The following RBFOX1 variants were observed in gnomAD, a reference collection of about 807,000 sequenced individuals.
RBFOX1 encodes RNA binding protein fox-1 homolog 1.
A neutral mutation model predicts 57.7 loss-of-function variants in RBFOX1; 8 were observed. That is an observed-to-expected ratio of 0.14 (90% CI 0.08 to 0.25). The LOEUF is 0.25. RBFOX1 is among the 10% of genes least tolerant of loss of function. The pLI, the probability that RBFOX1 is intolerant of heterozygous loss-of-function variation, is 1.00. For missense variants in RBFOX1, 611 were observed against 548.5 expected, an observed-to-expected ratio of 1.11 and a Z score of -1.14; for synonymous variants, 326 against 222.4, an observed-to-expected ratio of 1.47 and a Z score of -4.15.
intron 1 of RBFOX1, among the ~76,000 whole-genome samples, chr16:5,283,946 G>C (rs1038567627): frequency 2.6e-5 from 4 of 152,088 alleles, no homozygotes; most frequent in Non-Finnish European, 5.9e-5. Flanking sequence ...GATATGGTTT[G>C]GCTGTGTCCC....
chr16:6,162,037 G>C (rs1033928099), intron 1 of RBFOX1, among the ~76,000 whole-genome samples: 1 of 152,196 alleles, frequency 6.6e-6, no homozygotes, highest in African/African-American at 2.4e-5. Context: ...AGCTGCAAAA[G>C]CATTATAGGA....
At chr16:6,674,434 G>A (rs1045830694) in intron 3 of RBFOX1, among the ~76,000 whole-genome samples, 1 of 151,908 alleles carries the variant, frequency 6.6e-6, no homozygotes, top group African/African-American at 2.4e-5. Flanking sequence ...TGATTCTCCT[G>A]CCCCAGTCTC....
intron 2 of RBFOX1, among the ~76,000 whole-genome samples, chr16:6,603,613 C>T (rs2097884282): frequency 6.6e-6 from 1 of 152,070 alleles, no homozygotes; most frequent in South Asian, 2.1e-4. Flanking sequence ...TGAGAAAGCC[C>T]CCCCGGGCAG....
chr16:5,474,512 A>C (rs1365138353), intron 2 of RBFOX1, among the ~76,000 whole-genome samples: 3 of 152,036 alleles, frequency 2.0e-5, no homozygotes, highest in Admixed American at 6.5e-5. Flanking sequence ...AAACTAGCCA[A>C]GTGTGGTGGT....
chr16:5,428,230 G>A (rs1046806493), intron 1 of RBFOX1, among the ~76,000 whole-genome samples: 7 of 152,114 alleles, frequency 4.6e-5, no homozygotes, highest in Non-Finnish European at 8.8e-5. Flanking sequence ...ATGTACCCCA[G>A]GCAAACCTTG....
chr16:6,908,972 G>A lies in RBFOX1; in HGVS notation c.-15-143085G>A, dbSNP rs928526716. Among the ~76,000 whole-genome samples, 8 of 152,196 alleles carry A rather than the reference G, an allele frequency of 5.3e-5. No individual in the cohort carries two copies. The South Asian group carries it at 8.3e-4, about 16-fold the overall frequency. On this transcript the variant is annotated intron_variant, in intron 3 of 15. Coordinates refer to ENST00000550418, the MANE Select transcript of RBFOX1 (RefSeq NM_018723.4). ...TTCCCCCCAACACGCTCTCTCTGGG[G>A]GCTCCGTTCTTCTGCTTCTGAACAT...
chr16:7,055,023 A>T (rs1682279471), intron 4 of RBFOX1, among the ~76,000 whole-genome samples: 1 of 152,186 alleles, frequency 6.6e-6, no homozygotes, highest in Admixed American at 6.5e-5. Context: ...CACGAAGCCT[A>T]AATTAATTTT....
In RBFOX1 at chr16:7,140,042, G is replaced by T. The variant is rs543716207; in HGVS notation, c.27+87944G>T. Among the ~76,000 whole-genome samples, 209 of 152,136 alleles carry T rather than the reference G, an allele frequency of 1.4e-3. 1 individual carries two copies. Among genetic ancestry groups the T allele is most frequent in the Non-Finnish European group, 2.6e-3 (178 of 68,010 alleles). On this transcript the variant is annotated intron_variant, in intron 4 of 15. Transcript: ENST00000550418. Reference sequence around the variant, plus strand: ...AAAGATAGCTGTCTGGGCATTAGGGGATTAGGAATATTAGCCAAAGAATGG... The same window carrying T: ...AAAGATAGCTGTCTGGGCATTAGGGTATTAGGAATATTAGCCAAAGAATGG...
At chr16:5,554,780 G>A (rs1185432601) in intron 2 of RBFOX1, among the ~76,000 whole-genome samples, 1 of 152,198 alleles carries the variant, frequency 6.6e-6, no homozygotes, top group East Asian at 1.9e-4. Flanking sequence ...CTTGACACTG[G>A]TGGATGATGG....
At chr16:5,479,686 G>A (rs2069455457) in intron 2 of RBFOX1, among the ~76,000 whole-genome samples, 1 of 152,066 alleles carries the variant, frequency 6.6e-6, no homozygotes, top group African/African-American at 2.4e-5. Context: ...TTGAACCCAG[G>A]AGGTAGAGGT....
At chr16:6,441,106 CCCAGTG>C (rs2094369814) in intron 2 of RBFOX1, among the ~76,000 whole-genome samples, 1 of 152,060 alleles carries the variant, frequency 6.6e-6, no homozygotes, top group African/African-American at 2.4e-5. Flanking sequence ...AGGCAGTGAG[CCCAGTG>C]CCGTTGCTCT....
intron 4 of RBFOX1, among the ~76,000 whole-genome samples, chr16:7,461,147 C>G (rs36101354): frequency 0.17 from 25,671 of 151,916 alleles, 2,710 homozygotes; most frequent in Non-Finnish European, 0.24. Flanking sequence ...TAAGAATTGA[C>G]TGAGGATGAA....
intron 2 of RBFOX1, among the ~76,000 whole-genome samples, chr16:5,481,999 A>G (rs2069560463): frequency 6.6e-6 from 1 of 152,180 alleles, no homozygotes. Flanking sequence ...GAGCTTGAAC[A>G]CACAAATTTT....
intron 4 of RBFOX1, among the ~76,000 whole-genome samples, chr16:5,916,075 A>G (rs538165250): frequency 6.6e-6 from 1 of 152,252 alleles, no homozygotes; most frequent in Admixed American, 6.5e-5. Context: ...AGATTCCTAC[A>G]GACTGTGTTA....
At chr16:5,377,046 G>A (rs1036054140) in intron 1 of RBFOX1, among the ~76,000 whole-genome samples, 12 of 151,650 alleles carry the variant, frequency 7.9e-5, no homozygotes, top group African/African-American at 2.7e-4. Context: ...TTCTGGGGGA[G>A]CCCAAACCAA....
intron 3 of RBFOX1, among the ~76,000 whole-genome samples, chr16:5,785,003 G>C (rs1356307462): frequency 2.0e-5 from 3 of 152,160 alleles, no homozygotes; most frequent in Admixed American, 2.0e-4. Flanking sequence ...TACTTCACTG[G>C]GTTGTTGTGG....
chr16:5,932,788 T>C (rs2059090828), intron 4 of RBFOX1, among the ~76,000 whole-genome samples: 1 of 152,132 alleles, frequency 6.6e-6, no homozygotes, highest in African/African-American at 2.4e-5. Flanking sequence ...CACATACTCA[T>C]TTCCCACGTG....
chr16:6,984,165 T>C (rs773019515), intron 3 of RBFOX1, among the ~76,000 whole-genome samples: 1 of 152,128 alleles, frequency 6.6e-6, no homozygotes, highest in Non-Finnish European at 1.5e-5. Flanking sequence ...GACAATTGCT[T>C]GAACCCTGGA....
intron 3 of RBFOX1, among the ~76,000 whole-genome samples, chr16:7,007,133 C>T (rs530335804): frequency 1.3e-5 from 2 of 152,140 alleles, no homozygotes; most frequent in African/African-American, 4.8e-5. Context: ...TGGGAAGAGT[C>T]CATTTTCAAA....
Sources: allele counts gnomAD v4.1 joint callset (sites outside exome capture counted in the v4.1 genomes callset), GRCh38; gene constraint gnomAD v4.1.1; transcripts MANE v1.5; gene names NCBI Gene and HGNC (gene_info 2026-07-23, HGNC 2026-07-21).